Variants in CDKAL1 observed in about 807,000 individuals in gnomAD.
CDKAL1 encodes the protein threonylcarbamoyladenosine tRNA methylthiotransferase.
A neutral mutation model predicts 68.2 loss-of-function variants in CDKAL1; 32 were observed. The ratio of observed to expected loss-of-function variants is 0.47; its 90% CI spans 0.35 to 0.63. The LOEUF is 0.63. Among genes scored for constraint, CDKAL1 ranks in the 30% least tolerant of loss-of-function variants. The probability of loss-of-function intolerance (pLI) is 0.00; values close to 1 mark genes in which losing one functional copy is unlikely to be tolerated. For synonymous variants in CDKAL1, 234 were observed against 244.3 expected, an observed-to-expected ratio of 0.96 and a Z score of 0.39; for missense variants, 606 against 696.7, an observed-to-expected ratio of 0.87 and a Z score of 1.47.
At chr6:20,796,794 A>G (rs1185011758) in intron 8 of CDKAL1, among the ~76,000 whole-genome samples, 3 of 152,230 alleles carry the variant, frequency 2.0e-5, no homozygotes, top group Non-Finnish European at 2.9e-5. Flanking sequence ...TGGAAAAAGA[A>G]CAAAACTTTG....
At chr6:20,919,511 C>T (rs1264323503) in intron 9 of CDKAL1, among the ~76,000 whole-genome samples, 1 of 152,132 alleles carries the variant, frequency 6.6e-6, no homozygotes, top group African/African-American at 2.4e-5. Context: ...AGGTATTTCT[C>T]CTAATGCTAT....
intron 4 of CDKAL1, among the ~76,000 whole-genome samples, chr6:20,564,597 G>A (rs1408758756): frequency 6.6e-6 from 1 of 152,050 alleles, no homozygotes; most frequent in African/African-American, 2.4e-5. Context: ...CAATCATTTT[G>A]TAGATATAAA....
intron 13 of CDKAL1, among the ~76,000 whole-genome samples, chr6:21,177,664 CTT>C (rs1206776350): frequency 4.3e-5 from 6 of 138,402 alleles, no homozygotes; most frequent in Admixed American, 7.3e-5. Context: ...TTCCTCTGAT[CTT>C]TTTTTTTTTT....
At position 21,008,789 on chromosome 6, in the gene CDKAL1, T is replaced by C. The variant is rs142195163; in HGVS notation, c.1055+8417T>C. Among the ~76,000 whole-genome samples, 1,358 of 152,290 alleles carry C rather than the reference T, an allele frequency of 8.9e-3. 12 individuals carry two copies. The highest frequency in any genetic ancestry group is 0.011 in the Non-Finnish European group (715 of 68,024). On this transcript the variant is annotated intron_variant, in intron 11 of 15. Coordinates refer to ENST00000274695, the MANE Select transcript of CDKAL1 (RefSeq NM_017774.3). Reference sequence around the variant, plus strand: ...AAGAAGCAGGGATAATACGTGTCTGTTGAATGAATGGCACTTAACTCTGGA... The same window carrying C: ...AAGAAGCAGGGATAATACGTGTCTGCTGAATGAATGGCACTTAACTCTGGA...
chr6:21,119,917 C>T (rs1283199394), intron 13 of CDKAL1, among the ~76,000 whole-genome samples: 1 of 152,054 alleles, frequency 6.6e-6, no homozygotes, highest in South Asian at 2.1e-4. Flanking sequence ...TCATGGAGTC[C>T]CACCGCCCTC....
chr6:20,578,093 C>A (rs1330102175), intron 4 of CDKAL1, among the ~76,000 whole-genome samples: 1 of 152,182 alleles, frequency 6.6e-6, no homozygotes. Flanking sequence ...AACCTTCCTT[C>A]CCCTAAACCA....
chr6:20,563,205 AT>A (rs1389039865), intron 4 of CDKAL1, among the ~76,000 whole-genome samples: 1 of 152,242 alleles, frequency 6.6e-6, no homozygotes, highest in Non-Finnish European at 1.5e-5. Flanking sequence ...AAGATAGATC[AT>A]TGAGAATATT....
At chr6:20,661,201 T>C (rs759128455) in intron 5 of CDKAL1, among the ~76,000 whole-genome samples, 5 of 152,208 alleles carry the variant, frequency 3.3e-5, no homozygotes, top group African/African-American at 2.4e-5. Flanking sequence ...AAATACATTC[T>C]TGTTTATGGA....
intron 4 of CDKAL1, among the ~76,000 whole-genome samples, chr6:20,628,981 G>A (rs1767554362): frequency 6.6e-6 from 1 of 152,062 alleles, no homozygotes; most frequent in African/African-American, 2.4e-5. Flanking sequence ...CTACGACAAA[G>A]CCATCAGCAA....
At chr6:21,220,202 G>A (rs535907632) in intron 15 of CDKAL1, among the ~76,000 whole-genome samples, 28 of 123,716 alleles carry the variant, frequency 2.3e-4, no homozygotes, top group African/African-American at 1.4e-3. Flanking sequence ...GCGTGCGTGC[G>A]TGTGTGTGTG....
intron 9 of CDKAL1, among the ~76,000 whole-genome samples, chr6:20,933,455 G>C (rs1441785318): frequency 6.6e-6 from 1 of 152,236 alleles, no homozygotes; most frequent in Admixed American, 6.5e-5. Context: ...TCAAAATTAA[G>C]AATGCCTCTG....
intron 10 of CDKAL1, among the ~76,000 whole-genome samples, chr6:20,973,222 AATT>A (rs1765678017): frequency 6.6e-6 from 1 of 152,194 alleles, no homozygotes; most frequent in African/African-American, 2.4e-5. Flanking sequence ...TATCAGCTAT[AATT>A]ATTATCATTG....
chr6:20,629,911 C>T (rs896248024), intron 4 of CDKAL1, among the ~76,000 whole-genome samples: 4 of 152,082 alleles, frequency 2.6e-5, no homozygotes, highest in African/African-American at 7.2e-5. Flanking sequence ...TGGAGTGCAG[C>T]GGCACGATCT....
chr6:21,201,892 GA>G (rs1778705568), intron 15 of CDKAL1, among the ~76,000 whole-genome samples: 1 of 151,630 alleles, frequency 6.6e-6, no homozygotes, highest in Non-Finnish European at 1.5e-5. Context: ...AGTGTGAAAT[GA>G]AAATGTGTAT....
intron 13 of CDKAL1, among the ~76,000 whole-genome samples, chr6:21,131,086 G>A (rs892360752): frequency 1.3e-5 from 2 of 152,118 alleles, no homozygotes; most frequent in Admixed American, 1.3e-4. Context: ...TAGATCCAGT[G>A]TAAATGGCAA....
rs577285302 is a variant in CDKAL1 at position 21,121,423 on chromosome 6, A to G, written c.1299+12960A>G. ...ATTATTAAGTCTTATTAATTGTAAG[A>G]CTCACCATTAATTCACATAACGCTA... On this transcript the variant is annotated intron_variant, in intron 13 of 15. Coordinates refer to ENST00000274695, the MANE Select transcript of CDKAL1 (RefSeq NM_017774.3). Among the ~76,000 whole-genome samples the G allele has an allele frequency of 4.6e-5, 7 of 152,264 alleles. No individual in the cohort carries two copies. In the South Asian group the frequency reaches 1.5e-3, roughly 32 times the overall value.
At chr6:21,130,349 C>T (rs1043705873) in intron 13 of CDKAL1, among the ~76,000 whole-genome samples, 2 of 151,740 alleles carry the variant, frequency 1.3e-5, no homozygotes, top group Non-Finnish European at 2.9e-5. Flanking sequence ...CTCAGCCTCC[C>T]GAGTAGCTGG....
At chr6:20,917,601 G>A (rs994507903) in intron 9 of CDKAL1, among the ~76,000 whole-genome samples, 1 of 151,880 alleles carries the variant, frequency 6.6e-6, no homozygotes, top group Non-Finnish European at 1.5e-5. Flanking sequence ...CTGAGATTTC[G>A]GTGCACCTGT....
intron 5 of CDKAL1, among the ~76,000 whole-genome samples, chr6:20,736,138 T>TC (rs1773182554): frequency 8.5e-6 from 1 of 117,006 alleles, no homozygotes; most frequent in Non-Finnish European, 2.0e-5. Context: ...TTTTTTTTTT[T>TC]CTCTCTGTTT....
Sources: allele counts gnomAD v4.1 joint callset (sites outside exome capture counted in the v4.1 genomes callset), GRCh38; gene constraint gnomAD v4.1.1; transcripts MANE v1.5; gene names NCBI Gene and HGNC (gene_info 2026-07-23, HGNC 2026-07-21).